Variants in HS6ST3 observed in about 807,000 individuals in gnomAD.
The protein encoded by HS6ST3 is heparan sulfate 6-O-sulfotransferase 3.
In HS6ST3, 12 loss-of-function variants were observed where a neutral mutation model predicts 36.7. That is an observed-to-expected ratio of 0.33 (90% CI 0.21 to 0.53). HS6ST3 has a LOEUF of 0.53. Ranked by LOEUF, HS6ST3 falls within the 20% of genes least tolerant of loss-of-function variation. HS6ST3 has a pLI of 0.95. For missense variants in HS6ST3, 584 were observed against 640.9 expected, an observed-to-expected ratio of 0.91 and a Z score of 0.96; for synonymous variants, 240 against 257.5, an observed-to-expected ratio of 0.93 and a Z score of 0.65.
intron 1 of HS6ST3, among the ~76,000 whole-genome samples, chr13:96,374,425 C>T (rs1005831030): frequency 1.3e-5 from 2 of 152,072 alleles, no homozygotes; most frequent in African/African-American, 4.8e-5. Context: ...TGTGGGATTT[C>T]CCATTCTCTG....
intron 1 of HS6ST3, among the ~76,000 whole-genome samples, chr13:96,280,739 G>A (rs2054771590): frequency 6.6e-6 from 1 of 152,086 alleles, no homozygotes; most frequent in African/African-American, 2.4e-5. Flanking sequence ...TGTGGCCTGT[G>A]CAAAATTCAT....
chr13:96,546,135 T>C (rs2056196798), intron 1 of HS6ST3, among the ~76,000 whole-genome samples: 1 of 152,150 alleles, frequency 6.6e-6, no homozygotes, highest in Non-Finnish European at 1.5e-5. Flanking sequence ...CTTAATAATA[T>C]TAATATCCTT....
At chr13:96,813,621 G>A (rs1878364627) in intron 1 of HS6ST3, among the ~76,000 whole-genome samples, 1 of 152,156 alleles carries the variant, frequency 6.6e-6, no homozygotes, top group Non-Finnish European at 1.5e-5. Context: ...CTCACTCTAT[G>A]CCCAGCGTCT....
intron 1 of HS6ST3, among the ~76,000 whole-genome samples, chr13:96,606,594 A>AGAGG (rs757536053): frequency 0.02 from 1,519 of 74,380 alleles, 34 homozygotes; most frequent in Non-Finnish European, 0.026. Context: ...AGGGAGGGAC[A>AGAGG]GAGGGAGGGA....
intron 1 of HS6ST3, among the ~76,000 whole-genome samples, chr13:96,743,759 A>T (rs1013454718): frequency 5.9e-5 from 9 of 152,064 alleles, no homozygotes; most frequent in Non-Finnish European, 1.3e-4. Context: ...CATTTGGGGT[A>T]GGGTCTAATT....
intron 1 of HS6ST3, among the ~76,000 whole-genome samples, chr13:96,164,262 C>T (rs1220608171): frequency 7.9e-5 from 12 of 152,130 alleles, no homozygotes; most frequent in Admixed American, 7.9e-4. Flanking sequence ...GGATATCATG[C>T]ATGGCTAGTG....
At chr13:96,792,892 T>A (rs1270715474) in intron 1 of HS6ST3, among the ~76,000 whole-genome samples, 1 of 152,070 alleles carries the variant, frequency 6.6e-6, no homozygotes, top group Non-Finnish European at 1.5e-5. Flanking sequence ...CCTGCCCAGA[T>A]GGTTTATACC....
At chr13:96,587,312 A>ATT (rs541292492) in intron 1 of HS6ST3, among the ~76,000 whole-genome samples, 18 of 148,242 alleles carry the variant, frequency 1.2e-4, no homozygotes, top group African/African-American at 4.5e-4. Flanking sequence ...AAATTTTAGG[A>ATT]TTTTTTTTTT....
chr13:96,635,642 G>C (rs976827251), intron 1 of HS6ST3, among the ~76,000 whole-genome samples: 17 of 152,108 alleles, frequency 1.1e-4, no homozygotes, highest in African/African-American at 3.9e-4. Flanking sequence ...TCTGTGTTCT[G>C]ACTAGAGTCT....
At chr13:96,258,251 GA>G (rs2054647057) in intron 1 of HS6ST3, among the ~76,000 whole-genome samples, 1 of 152,176 alleles carries the variant, frequency 6.6e-6, no homozygotes, top group Admixed American at 6.5e-5. Flanking sequence ...TTCTGGCAAT[GA>G]CTGCTTCTAA....
chr13:96,334,942 T>G (rs2055092601), intron 1 of HS6ST3, among the ~76,000 whole-genome samples: 1 of 152,238 alleles, frequency 6.6e-6, no homozygotes, highest in Non-Finnish European at 1.5e-5. Flanking sequence ...AGTTGATGCT[T>G]CTTCTTAGCT....
At chr13:96,606,594 AGAGG>A (rs757536053) in intron 1 of HS6ST3, among the ~76,000 whole-genome samples, 4,990 of 74,402 alleles carry the variant, frequency 0.067, 238 homozygotes, top group Admixed American at 0.071. Flanking sequence ...AGGGAGGGAC[AGAGG>A]GAGGGAGGGA....
At chr13:96,335,964 T>G (rs968870241) in intron 1 of HS6ST3, among the ~76,000 whole-genome samples, 15 of 152,182 alleles carry the variant, frequency 9.9e-5, no homozygotes, top group African/African-American at 3.4e-4. Context: ...TAAAATACTG[T>G]GAATTCTGGT....
At chr13:96,584,225 C>G (rs2056352654) in intron 1 of HS6ST3, among the ~76,000 whole-genome samples, 1 of 152,140 alleles carries the variant, frequency 6.6e-6, no homozygotes, top group South Asian at 2.1e-4. Context: ...CTCACTGCAG[C>G]CTTCGCCTCC....
At chr13:96,608,242 A>G (rs1021116400) in intron 1 of HS6ST3, among the ~76,000 whole-genome samples, 2 of 152,238 alleles carry the variant, frequency 1.3e-5, no homozygotes, top group Non-Finnish European at 2.9e-5. Context: ...CTATACCACT[A>G]AGTATCTAAA....
intron 1 of HS6ST3, among the ~76,000 whole-genome samples, chr13:96,189,548 G>A (rs558595149): frequency 9.9e-5 from 15 of 152,146 alleles, no homozygotes; most frequent in South Asian, 4.1e-4. Context: ...ATGCACTTTC[G>A]TCTTACCATT....
intron 1 of HS6ST3, among the ~76,000 whole-genome samples, chr13:96,827,701 T>C (rs1030608427): frequency 6.6e-6 from 1 of 152,242 alleles, no homozygotes; most frequent in Non-Finnish European, 1.5e-5. Flanking sequence ...ATTTTACTCA[T>C]GTAAATATCA....
At chr13:96,222,650 A>G (rs534200883) in intron 1 of HS6ST3, among the ~76,000 whole-genome samples, 1 of 152,266 alleles carries the variant, frequency 6.6e-6, no homozygotes, top group Non-Finnish European at 1.5e-5. Flanking sequence ...ATTCAGGCCT[A>G]TCGCCCTGAC....
chr13:96,597,170 A>G (rs112903494), intron 1 of HS6ST3, among the ~76,000 whole-genome samples: 2,075 of 152,186 alleles, frequency 0.014, 47 homozygotes, highest in African/African-American at 0.047. Flanking sequence ...GGGCAACAAC[A>G]TACACTGGAG....
Sources: allele counts gnomAD v4.1 joint callset (sites outside exome capture counted in the v4.1 genomes callset), GRCh38; gene constraint gnomAD v4.1.1; transcripts MANE v1.5; gene names NCBI Gene and HGNC (gene_info 2026-07-23, HGNC 2026-07-21).